NRXN3: variants seen among roughly 807,000 people sequenced by gnomAD.
NRXN3 encodes the protein neurexin III.
In NRXN3, 32 loss-of-function variants were observed where a neutral mutation model predicts 137.6. The observed-to-expected ratio is 0.23, with a 90% CI of 0.18 to 0.31. NRXN3 has a LOEUF of 0.31. Ranked by LOEUF, NRXN3 falls within the 10% of genes least tolerant of loss-of-function variation. The probability of loss-of-function intolerance (pLI) is 1.00; values close to 1 mark genes in which losing one functional copy is unlikely to be tolerated. For missense variants in NRXN3, 1,574 were observed against 2,062.5 expected (o/e 0.76, Z 4.59); for synonymous variants, 798 against 784.5 (o/e 1.02, Z -0.29).
chr14:79,234,272 CAGGGAACATATTCAATGGT>C (rs2072799320), intron 15 of NRXN3, among the ~76,000 whole-genome samples: 1 of 108,016 alleles, frequency 9.3e-6, no homozygotes, highest in African/African-American at 3.6e-5. Context: ...GAATAAAAAT[CAGGGAACATATTCAATGGT>C]AAATATATAT....
At chr14:78,173,998 C>T (rs2059022820) in intron 1 of NRXN3, among the ~76,000 whole-genome samples, 1 of 152,066 alleles carries the variant, frequency 6.6e-6, no homozygotes, top group African/African-American at 2.4e-5. Context: ...CAACCGCGGT[C>T]TTCTTTCTTC....
intron 10 of NRXN3, among the ~76,000 whole-genome samples, chr14:78,915,192 A>G (rs900078986): frequency 5.3e-5 from 8 of 151,970 alleles, no homozygotes; most frequent in African/African-American, 1.9e-4. Flanking sequence ...AGGTGAGAAT[A>G]AAAATAGAGG....
At chr14:79,628,377 T>C (rs1478576758) in intron 16 of NRXN3, among the ~76,000 whole-genome samples, 5 of 152,212 alleles carry the variant, frequency 3.3e-5, no homozygotes, top group Admixed American at 6.5e-5. Context: ...TTTAAAGTAT[T>C]TACTTTATTC....
intron 15 of NRXN3, among the ~76,000 whole-genome samples, chr14:79,140,595 G>A (rs1047035938): frequency 6.6e-6 from 1 of 151,788 alleles, no homozygotes; most frequent in Non-Finnish European, 1.5e-5. Context: ...GTGTGTGTGT[G>A]TGTGTGTGTG....
intron 15 of NRXN3, among the ~76,000 whole-genome samples, chr14:79,277,730 C>A (rs1230409672): frequency 1.3e-5 from 2 of 152,190 alleles, no homozygotes; most frequent in Non-Finnish European, 2.9e-5. Flanking sequence ...GAGCATGCTG[C>A]TGGTTTAAGA....
At chr14:79,528,947 A>G (rs2097145606) in intron 16 of NRXN3, among the ~76,000 whole-genome samples, 2 of 152,184 alleles carry the variant, frequency 1.3e-5, no homozygotes, top group South Asian at 4.1e-4. Context: ...GTTAATATGT[A>G]TGTCTCGGTC....
intron 1 of NRXN3, among the ~76,000 whole-genome samples, chr14:78,240,288 C>T (rs1348241444): frequency 6.6e-6 from 1 of 152,080 alleles, no homozygotes; most frequent in East Asian, 1.9e-4. Flanking sequence ...TGAGAATGAC[C>T]CTGCATGGCA....
At chr14:79,624,199 C>T (rs2098256644) in intron 16 of NRXN3, among the ~76,000 whole-genome samples, 1 of 152,176 alleles carries the variant, frequency 6.6e-6, no homozygotes, top group South Asian at 2.1e-4. Context: ...CACCAAAGAG[C>T]CACGTTATTG....
At chr14:78,233,014 C>T (rs2065658842) in intron 1 of NRXN3, among the ~76,000 whole-genome samples, 1 of 152,138 alleles carries the variant, frequency 6.6e-6, no homozygotes, top group Non-Finnish European at 1.5e-5. Context: ...TTGGTTTTCA[C>T]CCACTAGAGA....
chr14:78,617,509 G>A (rs2152489822), intron 4 of NRXN3, among the ~76,000 whole-genome samples: 1 of 152,272 alleles, frequency 6.6e-6, no homozygotes, highest in East Asian at 1.9e-4. Flanking sequence ...TGGTATTACT[G>A]CAAAACCCAG....
intron 4 of NRXN3, among the ~76,000 whole-genome samples, chr14:78,322,749 C>A (rs755587265): frequency 6.6e-6 from 1 of 151,982 alleles, no homozygotes; most frequent in Non-Finnish European, 1.5e-5. Flanking sequence ...ATCCCAGGTG[C>A]CGTCTTATCT....
At chr14:79,162,165 A>G (rs1218740309) in intron 15 of NRXN3, among the ~76,000 whole-genome samples, 2 of 146,544 alleles carry the variant, frequency 1.4e-5, no homozygotes, top group East Asian at 4.0e-4. Flanking sequence ...ATTATACTTT[A>G]AGTTTTAGGG....
At chr14:78,276,396 G>A (rs1403052660) in intron 2 of NRXN3, among the ~76,000 whole-genome samples, 1 of 152,130 alleles carries the variant, frequency 6.6e-6, no homozygotes, top group East Asian at 1.9e-4. Flanking sequence ...CTTCATTCCT[G>A]TGATCTCTTG....
intron 19 of NRXN3, among the ~76,000 whole-genome samples, chr14:79,758,663 C>A (rs1162324749): frequency 6.6e-6 from 1 of 152,178 alleles, no homozygotes; most frequent in Non-Finnish European, 1.5e-5. Context: ...GATACTATAT[C>A]TCCAAACAAA....
chr14:79,664,455 GTTTGGTGGAC>G (rs1343895513), intron 17 of NRXN3, among the ~76,000 whole-genome samples: 4 of 152,080 alleles, frequency 2.6e-5, no homozygotes, highest in Admixed American at 6.6e-5. Flanking sequence ...AATTTTATTC[GTTTGGTGGAC>G]TTTGCTAGTT....
intron 15 of NRXN3, among the ~76,000 whole-genome samples, chr14:79,463,329 T>C (rs552670438): frequency 6.6e-6 from 1 of 152,296 alleles, no homozygotes; most frequent in South Asian, 2.1e-4. Context: ...TTTGATCCTT[T>C]TCTTCTGCTG....
chr14:78,389,144 C>T (rs1282321361), intron 4 of NRXN3, among the ~76,000 whole-genome samples: 1 of 151,556 alleles, frequency 6.6e-6, no homozygotes, highest in Non-Finnish European at 1.5e-5. Context: ...CAAACTTTGC[C>T]TCCTGGGTTC....
intron 19 of NRXN3, among the ~76,000 whole-genome samples, chr14:79,708,086 G>A (rs1319400858): frequency 6.6e-6 from 1 of 152,166 alleles, no homozygotes; most frequent in African/African-American, 2.4e-5. Flanking sequence ...GTAAAAGGTA[G>A]ATTATAGATG....
At chr14:79,287,255 G>A (rs1024041787) in intron 15 of NRXN3, among the ~76,000 whole-genome samples, 2 of 152,186 alleles carry the variant, frequency 1.3e-5, no homozygotes, top group African/African-American at 4.8e-5. Flanking sequence ...TGGGACAAAA[G>A]TCAGCTTGTG....
Sources: allele counts gnomAD v4.1 joint callset (sites outside exome capture counted in the v4.1 genomes callset), GRCh38; gene constraint gnomAD v4.1.1; transcripts MANE v1.5; gene names NCBI Gene and HGNC (gene_info 2026-07-23, HGNC 2026-07-21).